SLIT3: variants seen among roughly 807,000 people sequenced by gnomAD.
SLIT3 encodes slit guidance ligand 3.
SLIT3 carries 68 observed loss-of-function variants against 184.0 expected under a neutral mutation model. The observed-to-expected ratio is 0.37, with a 90% CI of 0.30 to 0.45. The LOEUF is 0.45. Among genes scored for constraint, SLIT3 ranks in the 20% least tolerant of loss-of-function variants. The pLI is 1.00. For missense variants in SLIT3, 1,707 were observed against 2,026.0 expected (o/e 0.84, Z 3.02); for synonymous variants, 831 against 828.6 (o/e 1.00, Z -0.05).
chr5:169,028,348 G>T lies in SLIT3; in HGVS notation c.414-145012C>A, dbSNP rs901092596. 1.1e-4 allele frequency among the ~76,000 whole-genome samples: 17 copies of T among 152,300 alleles called. No homozygotes were observed. In the Middle Eastern group the frequency reaches 0.014, roughly 122 times the overall value. On this transcript the variant is annotated intron_variant, in intron 4 of 35. Transcript: ENST00000519560. ...AACTCAGGGTCATACATGTCCCAGA[G>T]GACCATTGGTCAGCTTCAGGGCTGT...
At chr5:169,157,973 A>T (rs1170874624) in intron 4 of SLIT3, among the ~76,000 whole-genome samples, 1 of 151,998 alleles carries the variant, frequency 6.6e-6, no homozygotes, top group East Asian at 1.9e-4. Flanking sequence ...AAAAAAAAAA[A>T]ATGAACAGAG....
intron 6 of SLIT3, among the ~76,000 whole-genome samples, chr5:168,826,754 C>T (rs183795844): frequency 3.9e-5 from 6 of 152,214 alleles, no homozygotes; most frequent in Admixed American, 2.6e-4. Context: ...AAGGGTACTG[C>T]ATTGTACCGT....
chr5:168,986,039 C>T (rs1470544391), intron 4 of SLIT3, among the ~76,000 whole-genome samples: 3 of 152,186 alleles, frequency 2.0e-5, no homozygotes, highest in Admixed American at 2.0e-4. Flanking sequence ...TCAAATGAAA[C>T]GTCCAGCCTC....
chr5:168,768,339 C>T (rs537405484), intron 14 of SLIT3: 4 of 462,296 alleles, frequency 8.7e-6, no homozygotes, highest in East Asian at 1.4e-4. Context: ...CCGGAGCAGG[C>T]CCCCACTGAG....
intron 1 of SLIT3, among the ~76,000 whole-genome samples, chr5:169,273,509 G>T (rs115385987): frequency 0.01 from 1,580 of 152,294 alleles, 41 homozygotes; most frequent in African/African-American, 0.036. Context: ...AGAATCACCT[G>T]AGGGAGCTTT....
Position 169,015,985 on chromosome 5 carries a change from CAA to C in SLIT3, c.414-132651_414-132650del, listed in dbSNP as rs1554090396. 1.5e-3 allele frequency among the ~76,000 whole-genome samples: 114 copies of C among 76,656 alleles called. 2 individuals are homozygous for C. In the East Asian group the frequency reaches 0.024, roughly 16 times the overall value. 50.3% of individuals were successfully genotyped at this position (76,656 alleles called of 152,430 possible). Reference sequence around the variant, plus strand: ...ACACACACACACACACACACACACACAACTTTCTGTCTGCCCCCTTGCTCTTC... The same window carrying C: ...ACACACACACACACACACACACACACCTTTCTGTCTGCCCCCTTGCTCTTC... On this transcript the variant is annotated intron_variant, in intron 4 of 35. Transcript: ENST00000519560.
intron 4 of SLIT3, among the ~76,000 whole-genome samples, chr5:169,100,695 G>A (rs1392945535): frequency 1.3e-5 from 2 of 152,150 alleles, no homozygotes; most frequent in Non-Finnish European, 2.9e-5. Flanking sequence ...AGTCCGTGGT[G>A]GTGGGAAGGC....
At chr5:168,768,248 G>A (rs1034044136) in intron 14 of SLIT3, 9 of 510,212 alleles carry the variant, frequency 1.8e-5, no homozygotes, top group Middle Eastern at 3.2e-4. Context: ...GCCCCGCAGC[G>A]ACTGGTCAGA....
At chr5:168,912,962 C>T (rs1362367718) in intron 4 of SLIT3, among the ~76,000 whole-genome samples, 1 of 152,176 alleles carries the variant, frequency 6.6e-6, no homozygotes, top group African/African-American at 2.4e-5. Context: ...CCCTGTCTGG[C>T]TGGTTTCCTG....
intron 3 of SLIT3, among the ~76,000 whole-genome samples, chr5:169,241,403 T>A (rs1765401696): frequency 6.6e-6 from 1 of 152,170 alleles, no homozygotes; most frequent in Admixed American, 6.5e-5. Flanking sequence ...TTTCTCAACT[T>A]TGGCACTAGT....
intron 4 of SLIT3, among the ~76,000 whole-genome samples, chr5:169,141,866 A>C (rs1489296316): frequency 6.6e-6 from 1 of 151,760 alleles, no homozygotes. Flanking sequence ...CCTGACCTAC[A>C]TGGTGAAAAC....
At chr5:168,687,384 T>G (rs1761778985) in intron 29 of SLIT3, among the ~76,000 whole-genome samples, 1 of 152,242 alleles carries the variant, frequency 6.6e-6, no homozygotes, top group African/African-American at 2.4e-5. Context: ...ATCTGCCACT[T>G]CCTACATGAA....
intron 4 of SLIT3, chr5:168,994,028 G>A (rs1581277327): frequency 1.3e-5 from 2 of 152,290 alleles, no homozygotes; most frequent in East Asian, 1.9e-4. Context: ...GGGAGCCAGG[G>A]TTCCAGCTGC....
chr5:168,771,962 T>C (rs2053046), intron 14 of SLIT3, among the ~76,000 whole-genome samples: 52,187 of 151,672 alleles, frequency 0.34, 9,839 homozygotes, highest in East Asian at 0.57. Flanking sequence ...TCTTTCACCA[T>C]TGGGGGCACA....
intron 9 of SLIT3, among the ~76,000 whole-genome samples, chr5:168,797,568 T>C (rs1015614296): frequency 1.3e-5 from 2 of 152,130 alleles, no homozygotes; most frequent in African/African-American, 4.8e-5. Flanking sequence ...GGTGCAAGAA[T>C]TGAGGGAGAG....
intron 4 of SLIT3, among the ~76,000 whole-genome samples, chr5:169,148,493 G>GT (rs1762005791): frequency 6.6e-6 from 1 of 152,212 alleles, no homozygotes; most frequent in Non-Finnish European, 1.5e-5. Flanking sequence ...TAGCAGAGGT[G>GT]TTTGTTTGCC....
intron 3 of SLIT3, among the ~76,000 whole-genome samples, chr5:169,217,193 C>T (rs1021940760): frequency 1.5e-4 from 22 of 147,722 alleles, no homozygotes; most frequent in Non-Finnish European, 2.5e-4. Flanking sequence ...GGGAGCTAAA[C>T]TTTAAGTTCT....
At chr5:169,117,346 A>C (rs1442509725) in intron 4 of SLIT3, among the ~76,000 whole-genome samples, 2 of 152,154 alleles carry the variant, frequency 1.3e-5, no homozygotes, top group East Asian at 3.9e-4. Flanking sequence ...ATGTGAAATG[A>C]CTTCCTCAGT....
At chr5:169,244,233 G>A (rs1007159655) in intron 3 of SLIT3, among the ~76,000 whole-genome samples, 3 of 152,234 alleles carry the variant, frequency 2.0e-5, no homozygotes, top group Non-Finnish European at 2.9e-5. Flanking sequence ...TGAAGGCTGC[G>A]CCCACTCACC....
Sources: gnomAD v4.1 joint callset for allele counts (sites outside exome capture counted in the v4.1 genomes callset) on GRCh38, gnomAD v4.1.1 for gene constraint, MANE v1.5 for transcripts, NCBI Gene and HGNC (gene_info 2026-07-23, HGNC 2026-07-21) for gene names.